PLXNB1: variants seen among roughly 807,000 people sequenced by gnomAD.
PLXNB1 encodes the protein plexin-B1.
Under a neutral mutation model 209.4 loss-of-function variants are expected in PLXNB1, and 106 were observed. That is an observed-to-expected ratio of 0.51 (90% CI 0.43 to 0.59). The LOEUF (loss-of-function observed/expected upper bound fraction) is 0.59. Ranked by LOEUF, PLXNB1 falls within the 20% of genes least tolerant of loss-of-function variation. The pLI, the probability that PLXNB1 is intolerant of heterozygous loss-of-function variation, is 0.00. For synonymous variants in PLXNB1, 1,167 were observed against 1,183.2 expected, an observed-to-expected ratio of 0.99 and a Z score of 0.28; for missense variants, 2,357 against 2,853.2, an observed-to-expected ratio of 0.83 and a Z score of 3.96.
Position 48,417,771 on chromosome 3 carries a change from G to T in PLXNB1, c.3374+140C>A. 1.1e-6 allele frequency: 1 copy of T among 928,850 alleles called. No homozygotes were observed. The highest frequency in any genetic ancestry group is 1.6e-6 in the Non-Finnish European group (1 of 619,584). The allele number at this position is 928,850 out of a possible 1,614,324, so 57.5% of individuals were successfully genotyped here. On this transcript the variant is annotated intron_variant, in intron 16 of 37. Transcript: ENST00000296440. This position sits in a 1 kb window ranked among gnomAD's most constrained non-coding sequence, Gnocchi z 4.4. ...GCTCAGGGTCTTCAGTGGCAACGCTGGCACTCGGGCATTGTGGCCAGGATC... is the reference window on the plus strand; with the variant it reads ...GCTCAGGGTCTTCAGTGGCAACGCTTGCACTCGGGCATTGTGGCCAGGATC...
rs750031146 is a variant in PLXNB1 at position 48,420,253 on chromosome 3, G to C, written c.2033C>G (p.Pro678Arg). The change falls in exon 11 of 38, where the codon CCG (proline) becomes CGG (arginine). Residue 678 changes from proline to arginine, a missense_variant. By Grantham distance (103) the Pro-to-Arg change is moderately radical. Coordinates refer to ENST00000296440, the MANE Select transcript of PLXNB1 (RefSeq NM_001130082.3). ...AGPMVASHQSPLVSPDPPARG... is the reference protein window; with the variant it reads ...AGPMVASHQSRLVSPDPPARG... ...TGCAGGAGGGTCTGGGGAGACAAGC[G>C]GGCTCTGAAGGGGGAGGCAGAGGAA... 6.5e-7 allele frequency: 1 copy of C among 1,537,962 alleles called. No homozygotes were observed. Among genetic ancestry groups the C allele is most frequent in the Non-Finnish European group, 8.8e-7 (1 of 1,140,480 alleles).
In PLXNB1 at chr3:48,424,235, T is replaced by C; in HGVS notation, c.377A>G (p.Gln126Arg). The change falls in exon 3 of 38, where the codon CAG (glutamine) becomes CGG (arginine). Residue 126 changes from glutamine to arginine, a missense_variant. By Grantham distance (43) the Gln-to-Arg change is conservative. Around this residue, in one of 7 missense-constraint regions of PLXNB1, gnomAD observed 107 missense variants for 167.2 expected, o/e 0.64. Transcript: ENST00000296440. ...TGGCCGCAGCAGCAGCTGCTCGAGC[T>C]GCCCCAGGCGCCGCTGTTCACAGAC... ...QGVCEQRRLGQLEQLLLRPER... is the reference protein window; with the variant it reads ...QGVCEQRRLGRLEQLLLRPER... 6.2e-7 allele frequency: 1 copy of C among 1,601,574 alleles called. No homozygotes were observed. Among genetic ancestry groups the C allele is most frequent in the Non-Finnish European group, 8.5e-7 (1 of 1,173,198 alleles).
Position 48,409,069 on chromosome 3 carries a change from C to T in PLXNB1, c.6087+260G>A, listed in dbSNP as rs970546316. On this transcript the variant is annotated intron_variant, in intron 34 of 37. Coordinates refer to ENST00000296440, the MANE Select transcript of PLXNB1 (RefSeq NM_001130082.3). This position sits in a 1 kb window ranked among gnomAD's most constrained non-coding sequence, Gnocchi z 5.8. The stretch of plus-strand genomic sequence containing the variant: ...ACCAACTGGCCCTGGCCTACTGCCA[C>T]GCCTGGCCAGCATTCTATGCCCCAG... Among the ~76,000 whole-genome samples the T allele has an allele frequency of 2.6e-5, 4 of 152,248 alleles. No individual in the cohort carries two copies. Among genetic ancestry groups the T allele is most frequent in the Non-Finnish European group, 5.9e-5 (4 of 68,044 alleles).
Position 48,412,837 on chromosome 3 carries a change from G to A in PLXNB1, c.4759C>T (p.Arg1587Trp), listed in dbSNP as rs1004255185. ...CTGCTCTCAGGCACACCCAGGTCCC[G>A]GTGCAAGGGCGACTCGCGGTGCCCA... is the stretch of plus-strand genomic sequence containing the variant. ...FPGHRESPLH[R>W]DLGVPESRRP... The change falls in exon 25 of 38, where the codon CGG (arginine) becomes TGG (tryptophan). Residue 1587 changes from arginine (R) to tryptophan (W), a missense_variant. By Grantham distance (101) the Arg-to-Trp change is moderately radical. Around this residue, in one of 7 missense-constraint regions of PLXNB1, gnomAD observed 743 missense variants for 896.2 expected, o/e 0.83. Coordinates refer to ENST00000296440, the MANE Select transcript of PLXNB1 (RefSeq NM_001130082.3). 5.6e-6 allele frequency: 9 copies of A among 1,613,700 alleles called. No individual in the cohort carries two copies. The highest frequency in any genetic ancestry group is 3.3e-5 in the Admixed American group (2 of 60,020).
chr3:48,415,519 C>T lies in PLXNB1; in HGVS notation c.3794+64G>A, dbSNP rs1473383927. 2 of 1,483,006 alleles carry T rather than the reference C, an allele frequency of 1.3e-6. No individual in the cohort carries two copies. The highest frequency in any genetic ancestry group is 1.8e-6 in the Non-Finnish European group (2 of 1,096,314). The allele number at this position is 1,483,006 out of a possible 1,614,324, so 91.9% of individuals were successfully genotyped here. On this transcript the variant is annotated intron_variant, in intron 19 of 37. Transcript: ENST00000296440. The surrounding 1 kb of genome is among the most constrained non-coding windows in gnomAD (Gnocchi z 5.0). ...CTCAACATAAAGCCCTACAAACCCC[C>T]ACATAGTGGAGCTGCAAAGACCTCC...
rs938302143 is a variant in PLXNB1, at chr3:48,413,191, A to G, written c.4536-22T>C. On this transcript the variant is annotated intron_variant, in intron 23 of 37. Transcript: ENST00000296440. This position sits in a 1 kb window ranked among gnomAD's most constrained non-coding sequence, Gnocchi z 5.4. ...CCTCCTGCTCAGCCCCAGGGTCAGG[A>G]GAGGATGGCCAGATGAGTCCTACTC... 2 of 1,590,032 alleles carry G rather than the reference A, an allele frequency of 1.3e-6. No homozygotes were observed. Among genetic ancestry groups the G allele is most frequent in the Admixed American group, 1.7e-5 (1 of 59,978 alleles).
In PLXNB1 at chr3:48,406,732, A is replaced by G. The variant is rs2037334263; in HGVS notation, c.6228+91T>C. The G allele has an allele frequency of 3.4e-6, 5 of 1,489,704 alleles. No homozygotes were observed. The highest frequency in any genetic ancestry group is 4.5e-6 in the Non-Finnish European group (5 of 1,114,604). The allele number at this position is 1,489,704 out of a possible 1,614,324, so 92.3% of individuals were successfully genotyped here. On this transcript the variant is annotated intron_variant, in intron 36 of 37. Transcript: ENST00000296440. The surrounding 1 kb of genome is among the most constrained non-coding windows in gnomAD (Gnocchi z 4.4). Reference sequence around the variant, plus strand: ...GCTCACAGGGCTGCTGAGGTTCCCAAGGGCTTCCCTGCAAAGGGGCAGTGT... The same window carrying G: ...GCTCACAGGGCTGCTGAGGTTCCCAGGGGCTTCCCTGCAAAGGGGCAGTGT...
intron 21 of PLXNB1, 49 bp from the exon 22 acceptor site, chr3:48,414,120 C>T: frequency 6.3e-7 from 1 of 1,582,428 alleles, no homozygotes; most frequent in Non-Finnish European, 8.7e-7. Flanking sequence ...TCCCTCAGAT[C>T]CTGTCCTCCC....
chr3:48,418,765 T>C lies in PLXNB1; in HGVS notation c.2955+152A>G. ...GGATGCAAGGACTCCACGGGGCACA[T>C]GGTCAGAGGTCAGAAATGGGTGTGG... On this transcript the variant is annotated intron_variant, in intron 13 of 37. Transcript: ENST00000296440. This position sits in a 1 kb window ranked among gnomAD's most constrained non-coding sequence, Gnocchi z 6.6. 5 of 1,035,004 alleles carry C rather than the reference T, an allele frequency of 4.8e-6. No individual in the cohort carries two copies. Among genetic ancestry groups the C allele is most frequent in the Non-Finnish European group, 7.2e-6 (5 of 690,744 alleles). 64.1% of individuals were successfully genotyped at this position (1,035,004 alleles called of 1,614,324 possible). A position where few individuals can be genotyped will look rare whatever the true frequency, so the allele number is the denominator to read the frequency against.
At position 48,412,639 on chromosome 3, in the gene PLXNB1, G is replaced by A. The variant is rs929468719; in HGVS notation, c.4855-19C>T. On this transcript the variant is annotated intron_variant, in intron 25 of 37. Transcript: ENST00000296440. Reference sequence around the variant, plus strand: ...GGATGAACTGCAGCCAAAGAGAAGGGATGGGAAAAGGGGTTTAGGGGGACA... The same window carrying A: ...GGATGAACTGCAGCCAAAGAGAAGGAATGGGAAAAGGGGTTTAGGGGGACA... 1.9e-6 allele frequency: 3 copies of A among 1,612,324 alleles called. No homozygotes were observed. The highest frequency in any genetic ancestry group is 2.5e-6 in the Non-Finnish European group (3 of 1,179,216).
rs1392702425 is a variant in PLXNB1, at chr3:48,417,705, T to C, written c.3374+206A>G. 6.6e-6 allele frequency among the ~76,000 whole-genome samples: 1 copy of C among 152,116 alleles called. No homozygotes were observed. Among genetic ancestry groups the C allele is most frequent in the East Asian group, 1.9e-4 (1 of 5,200 alleles). On this transcript the variant is annotated intron_variant, in intron 16 of 37. Transcript: ENST00000296440. The surrounding 1 kb of genome is among the most constrained non-coding windows in gnomAD (Gnocchi z 4.4). ...GGGCAGTGACGGGCCCAGGAAGGAT[T>C]CCCCAGCAGCCCAGGCCAGGAACCT... is the stretch of plus-strand genomic sequence containing the variant.
rs1460015503 is a variant in PLXNB1 at position 48,420,089 on chromosome 3, G to A, written c.2197C>T (p.Leu733Phe). 2.5e-6 allele frequency: 4 copies of A among 1,613,574 alleles called. No individual in the cohort carries two copies. The highest frequency in any genetic ancestry group is 2.5e-6 in the Non-Finnish European group (3 of 1,179,930). Residue 733 changes from leucine (L) to phenylalanine (F), a missense_variant, in exon 11 of 38, where the codon CTC becomes TTC. Transcript: ENST00000296440. ...CCTGCCCATGGCCCCCAGGGGCTGA[G>A]CAGGGAAGGACTAGCCCCAGGTGAG... Reference protein sequence around the residue: ...DISPGASPSLLSPWGPWAGSG... With the variant: ...DISPGASPSLFSPWGPWAGSG...
chr3:48,424,726 TA>T, intron 2 of PLXNB1, 109 bp from the exon 3 acceptor site: 1 of 1,192,856 alleles, frequency 8.4e-7, no homozygotes. Flanking sequence ...CCTCCTAACC[TA>T]GGGGGTGAGC....
chr3:48,418,115 A>G lies in PLXNB1; in HGVS notation c.3223-53T>C. On this transcript the variant is annotated intron_variant, in intron 15 of 37. Coordinates refer to ENST00000296440, the MANE Select transcript of PLXNB1 (RefSeq NM_001130082.3). This position sits in a 1 kb window ranked among gnomAD's most constrained non-coding sequence, Gnocchi z 6.6. ...CTACTCAACTGGAAAGGCAGCCCCA[A>G]CCTCCCACCTTTGGGCCCCCACACC... 1 of 1,607,210 alleles carries G rather than the reference A, an allele frequency of 6.2e-7. No homozygotes were observed.
Position 48,404,424 on chromosome 3 carries a change from TC to T in PLXNB1, c.*61del. 9.0e-7 allele frequency: 1 copy of T among 1,109,938 alleles called. No individual in the cohort carries two copies. The allele number at this position is 1,109,938 out of a possible 1,614,324, so 68.8% of individuals were successfully genotyped here. A position where few individuals can be genotyped will look rare whatever the true frequency, so the allele number is the denominator to read the frequency against. On this transcript the variant is annotated 3_prime_UTR_variant, in exon 38 of 38. Coordinates refer to ENST00000296440, the MANE Select transcript of PLXNB1 (RefSeq NM_001130082.3). Reference sequence around the variant, plus strand: ...AGGCACCTAAGAAGGTGGCCTCTCCTCCGAGCTTCCAGGGCTGCCCAGGCCA... The same window carrying T: ...AGGCACCTAAGAAGGTGGCCTCTCCTCGAGCTTCCAGGGCTGCCCAGGCCA...
At position 48,424,731 on chromosome 3, in the gene PLXNB1, G is replaced by A. The variant is rs746166363; in HGVS notation, c.-6-114C>T. The A allele has an allele frequency of 4.2e-5, 46 of 1,103,030 alleles. No homozygotes were observed. In the South Asian group the frequency reaches 6.9e-4, roughly 16 times the overall value. 68.3% of individuals were successfully genotyped at this position (1,103,030 alleles called of 1,614,324 possible). On this transcript the variant is annotated intron_variant, in intron 2 of 37. Transcript: ENST00000296440. ...CCAAGATGCTCCTCCTAACCTAGGG[G>A]GTGAGCAGAGGAGGACCAGGCTTCT...
At position 48,418,686 on chromosome 3, in the gene PLXNB1, G is replaced by T. The variant is rs2106888879; in HGVS notation, c.2956-144C>A. 1 of 875,152 alleles carries T rather than the reference G, an allele frequency of 1.1e-6. No individual in the cohort carries two copies. Among genetic ancestry groups the T allele is most frequent in the Non-Finnish European group, 1.8e-6 (1 of 556,048 alleles). The allele number at this position is 875,152 out of a possible 1,614,324, so 54.2% of individuals were successfully genotyped here. On this transcript the variant is annotated intron_variant, in intron 13 of 37. Coordinates refer to ENST00000296440, the MANE Select transcript of PLXNB1 (RefSeq NM_001130082.3). This position sits in a 1 kb window ranked among gnomAD's most constrained non-coding sequence, Gnocchi z 6.6. ...ATGGGGCCACAAGTTGGAGGGCAGA[G>T]CCAGAAATGGAGTATGGGGACCCCA...
rs2038371395 is a variant in PLXNB1 at position 48,419,799 on chromosome 3, T to C, written c.2487A>G (p.Pro829=). 1.3e-6 allele frequency: 2 copies of C among 1,593,262 alleles called. No individual in the cohort carries two copies. Among genetic ancestry groups the C allele is most frequent in the African/African-American group, 1.3e-5 (1 of 74,344 alleles). The change falls in exon 11 of 38, where the codon CCA becomes CCG. Residue 829 remains proline (P), a synonymous_variant. Coordinates refer to ENST00000296440, the MANE Select transcript of PLXNB1 (RefSeq NM_001130082.3). The surrounding 1 kb of genome is among the most constrained non-coding windows in gnomAD (Gnocchi z 5.7). ...CGGGCTTCACGGAGCCCATGGCCCC[T>C]GGGAAAGTGGTGGCAGGAACAGTGG... ...PPATVPATTF[P]GAMGSVKPAL...
rs775028926 is a variant in PLXNB1 at position 48,417,868 on chromosome 3, G to A, written c.3374+43C>T. ...CCAAGCAGCAACGCCAACCGCGGAG[G>A]CCCCAGGCTGCGCCGTGCTCCTGCT... On this transcript the variant is annotated intron_variant, in intron 16 of 37. Coordinates refer to ENST00000296440, the MANE Select transcript of PLXNB1 (RefSeq NM_001130082.3). The surrounding 1 kb of genome is among the most constrained non-coding windows in gnomAD (Gnocchi z 4.4). 2 of 1,573,858 alleles carry A rather than the reference G, an allele frequency of 1.3e-6. No homozygotes were observed. The highest frequency in any genetic ancestry group is 2.2e-4 in the Middle Eastern group (1 of 4,618).
Sources: allele counts gnomAD v4.1 joint callset (sites outside exome capture counted in the v4.1 genomes callset), GRCh38; gene constraint gnomAD v4.1.1; regional missense constraint gnomAD v4.1.1; non-coding constraint Gnocchi (gnomAD v3.1); transcripts MANE v1.5; gene names NCBI Gene and HGNC (gene_info 2026-07-23, HGNC 2026-07-21).